The following TNRC6A variants were observed in gnomAD, a reference collection of about 807,000 sequenced individuals.
TNRC6A encodes the protein trinucleotide repeat containing adaptor 6A.
TNRC6A carries 44 observed loss-of-function variants against 221.2 expected under a neutral mutation model. The ratio of observed to expected loss-of-function variants is 0.20; its 90% CI spans 0.16 to 0.26. The LOEUF is 0.26. TNRC6A is among the 10% of genes least tolerant of loss of function. The pLI is 1.00. For synonymous variants in TNRC6A, 847 were observed against 838.5 expected (o/e 1.01, Z -0.18); for missense variants, 2,199 against 2,404.4 (o/e 0.91, Z 1.79).
chr16:24,740,065 C>T (rs1342544239), intron 2 of TNRC6A, among the ~76,000 whole-genome samples: 1 of 152,130 alleles, frequency 6.6e-6, no homozygotes, highest in Non-Finnish European at 1.5e-5. Context: ...TCTTGGCACC[C>T]TGTTGAAGGT....
At chr16:24,806,308 A>G (rs368106874) in intron 16 of TNRC6A, 25 bp downstream of exon 16, 13 of 1,612,908 alleles carry the variant, frequency 8.1e-6, no homozygotes, top group East Asian at 6.7e-5. Context: ...GCAACTCGCA[A>G]TGCTGTCTTT....
intron 2 of TNRC6A, among the ~76,000 whole-genome samples, chr16:24,717,780 T>C (rs1432714583): frequency 3.4e-5 from 5 of 147,726 alleles, no homozygotes; most frequent in African/African-American, 1.2e-4. Flanking sequence ...CTTTTTTTTT[T>C]TTTTTTTTTG....
At chr16:24,710,098 G>A (rs2056175939) in intron 2 of TNRC6A, among the ~76,000 whole-genome samples, 1 of 151,734 alleles carries the variant, frequency 6.6e-6, no homozygotes, top group South Asian at 2.1e-4. Flanking sequence ...AGTGGCACAT[G>A]CCTGTAATCC....
intron 2 of TNRC6A, among the ~76,000 whole-genome samples, chr16:24,657,317 CAAAAAAA>C (rs56241898): frequency 1.2e-4 from 11 of 88,170 alleles, no homozygotes; most frequent in African/African-American, 1.5e-4. Context: ...GACCCTATCT[CAAAAAAA>C]AAAAAAAAAA....
rs1555502085 is a variant in TNRC6A, at chr16:24,771,561, T to TATGTTTTATGTTATGTTATGTTG, written c.164-5372_164-5371insATGTTTTATGTTATGTTATGTTG. On this transcript the variant is annotated intron_variant, in intron 4 of 24. Transcript: ENST00000395799. ...TATGTTATGTTATGTTATGTTATGT[T>TATGTTTTATGTTATGTTATGTTG]TTATGTTATGTTATGTTATGTTGTT... is the stretch of plus-strand genomic sequence containing the variant. Among the ~76,000 whole-genome samples the TATGTTTTATGTTATGTTATGTTG allele has an allele frequency of 9.9e-4, 98 of 99,146 alleles. 1 individual carries two copies. The highest frequency in any genetic ancestry group is 9.2e-3 in the East Asian group (34 of 3,676). The allele number at this position is 99,146 out of a possible 152,430, so 65.0% of individuals were successfully genotyped here.
intron 4 of TNRC6A, among the ~76,000 whole-genome samples, chr16:24,774,431 C>A (rs570883772): frequency 6.6e-6 from 1 of 152,202 alleles, no homozygotes; most frequent in African/African-American, 2.4e-5. Flanking sequence ...ATCAGAAGTA[C>A]AGCAGTTACT....
chr16:24,650,289 T>C (rs1902564749), intron 2 of TNRC6A, among the ~76,000 whole-genome samples: 1 of 152,214 alleles, frequency 6.6e-6, no homozygotes, highest in South Asian at 2.1e-4. Context: ...GTGAACAATG[T>C]GATGCAAAGG....
At chr16:24,673,874 T>A (rs749652231) in intron 2 of TNRC6A, among the ~76,000 whole-genome samples, 1 of 152,182 alleles carries the variant, frequency 6.6e-6, no homozygotes, top group Non-Finnish European at 1.5e-5. Context: ...AATATTTTCG[T>A]GAGAACCGTG....
rs554659351 is a variant in TNRC6A, at chr16:24,622,790, G to C, written n.276+12306G>C. Among the ~76,000 whole-genome samples the C allele has an allele frequency of 3.5e-4, 53 of 152,262 alleles. No individual in the cohort carries two copies. In the East Asian group the frequency reaches 9.4e-3, roughly 27 times the overall value. Reference sequence around the variant, plus strand: ...TGACATAGCACAAATGGCAATAACAGTTCTATTATATGGTGGAACTACCAT... The same window carrying C: ...TGACATAGCACAAATGGCAATAACACTTCTATTATATGGTGGAACTACCAT... On this transcript the variant is annotated intron_variant and non_coding_transcript_variant, in intron 1 of 2. Coordinates refer to the TNRC6A transcript ENST00000566108.
chr16:24,792,291 A>T (rs556232767), intron 6 of TNRC6A, among the ~76,000 whole-genome samples: 1 of 152,310 alleles, frequency 6.6e-6, no homozygotes, highest in South Asian at 2.1e-4. Context: ...TATTTAAAAC[A>T]TTTGACAATA....
chr16:24,686,594 A>G (rs1322729976), intron 2 of TNRC6A, among the ~76,000 whole-genome samples: 1 of 152,194 alleles, frequency 6.6e-6, no homozygotes, highest in Non-Finnish European at 1.5e-5. Flanking sequence ...GATTCATTCA[A>G]CAAACATTTG....
At chr16:24,628,672 C>T (rs1036816884) in intron 1 of TNRC6A, among the ~76,000 whole-genome samples, 3 of 152,080 alleles carry the variant, frequency 2.0e-5, no homozygotes, top group African/African-American at 7.2e-5. Context: ...GTATATAATA[C>T]ATATAATATA....
intron 2 of TNRC6A, chr16:24,664,805 ACACACAC>A (rs2055120118): frequency 4.5e-6 from 2 of 445,734 alleles, no homozygotes; most frequent in African/African-American, 4.1e-5. Context: ...ACACACACAC[ACACACAC>A]AAAACCTATA....
chr16:24,616,829 G>A (rs1199781051), intron 1 of TNRC6A, among the ~76,000 whole-genome samples: 1 of 152,016 alleles, frequency 6.6e-6, no homozygotes, highest in African/African-American at 2.4e-5. Flanking sequence ...CCTGAGGCAG[G>A]AGAACCGCTT....
At chr16:24,701,505 T>C (rs1322499484) in intron 2 of TNRC6A, among the ~76,000 whole-genome samples, 4 of 152,152 alleles carry the variant, frequency 2.6e-5, no homozygotes, top group Non-Finnish European at 4.4e-5. Flanking sequence ...TAGCTGGGAC[T>C]ACAGGCGCAT....
chr16:24,631,205 T>C (rs996417081), intron 1 of TNRC6A, among the ~76,000 whole-genome samples: 1 of 152,000 alleles, frequency 6.6e-6, no homozygotes, highest in African/African-American at 2.4e-5. Flanking sequence ...ATTTAGTATT[T>C]AAACATATGG....
intron 2 of TNRC6A, among the ~76,000 whole-genome samples, chr16:24,739,306 T>C (rs756854480): frequency 7.9e-5 from 12 of 152,202 alleles, no homozygotes; most frequent in Non-Finnish European, 1.5e-4. Context: ...CATGTCCTTA[T>C]TGGCCATTCG....
intron 4 of TNRC6A, among the ~76,000 whole-genome samples, chr16:24,767,062 G>C (rs2057489781): frequency 6.6e-6 from 1 of 152,100 alleles, no homozygotes; most frequent in Non-Finnish European, 1.5e-5. Context: ...CAGTTTACTT[G>C]AGCTCTTTGT....
intron 2 of TNRC6A, among the ~76,000 whole-genome samples, chr16:24,730,736 C>T (rs2056616333): frequency 1.3e-4 from 1 of 7,528 alleles, no homozygotes; most frequent in Non-Finnish European, 3.5e-4. Flanking sequence ...TTCGCATTCC[C>T]CCCCGCCCCC....
Sources: gnomAD v4.1 joint callset for allele counts (sites outside exome capture counted in the v4.1 genomes callset) on GRCh38, gnomAD v4.1.1 for gene constraint, MANE v1.5 for transcripts, NCBI Gene and HGNC (gene_info 2026-07-23, HGNC 2026-07-21) for gene names.